Variants in CNTNAP2 observed in about 807,000 individuals in gnomAD.
CNTNAP2 encodes contactin-associated protein-like 2.
CNTNAP2 carries 98 observed loss-of-function variants against 155.2 expected under a neutral mutation model. The ratio of observed to expected loss-of-function variants is 0.63; its 90% CI spans 0.54 to 0.75. The LOEUF is 0.75. CNTNAP2 is among the 30% of genes least tolerant of loss of function. The probability of loss-of-function intolerance (pLI) is 0.00; values close to 1 mark genes in which losing one functional copy is unlikely to be tolerated. For synonymous variants in CNTNAP2, 651 were observed against 631.2 expected (o/e 1.03, Z -0.47); for missense variants, 1,727 against 1,688.1 (o/e 1.02, Z -0.40).
chr7:148,285,127 AT>A (rs1434267789), intron 21 of CNTNAP2, among the ~76,000 whole-genome samples: 1 of 152,242 alleles, frequency 6.6e-6, no homozygotes, highest in Non-Finnish European at 1.5e-5. Context: ...TGGGACTGTT[AT>A]GTTTTTTGGC....
At chr7:146,478,727 G>A (rs1796915936) in intron 1 of CNTNAP2, among the ~76,000 whole-genome samples, 1 of 151,808 alleles carries the variant, frequency 6.6e-6, no homozygotes, top group Admixed American at 6.6e-5. Context: ...TGCATGCACA[G>A]CACATATTAA....
chr7:147,575,819 A>G (rs950893607), intron 12 of CNTNAP2, among the ~76,000 whole-genome samples: 5 of 151,898 alleles, frequency 3.3e-5, no homozygotes, highest in Non-Finnish European at 4.4e-5. Context: ...GCTGTATGAG[A>G]GGTAATATGA....
rs959698049 is a variant in CNTNAP2 at position 146,681,269 on chromosome 7, T to C, written c.98-93002T>C. On this transcript the variant is annotated intron_variant, in intron 1 of 23. Coordinates refer to ENST00000361727, the MANE Select transcript of CNTNAP2 (RefSeq NM_014141.6). ...TTCCTGTATAGTTGAGTCTTGCCTTTTGGGAGACAGGAGGGGTTGGGAAAG... is the reference window on the plus strand; with the variant it reads ...TTCCTGTATAGTTGAGTCTTGCCTTCTGGGAGACAGGAGGGGTTGGGAAAG... 4.6e-5 allele frequency among the ~76,000 whole-genome samples: 7 copies of C among 150,766 alleles called. No homozygotes were observed. The East Asian group carries it at 1.2e-3, about 25-fold the overall frequency.
chr7:147,523,058 G>T (rs1363036187), intron 11 of CNTNAP2, among the ~76,000 whole-genome samples: 3 of 152,192 alleles, frequency 2.0e-5, no homozygotes, highest in African/African-American at 7.2e-5. Flanking sequence ...GCACAGCTTA[G>T]CTGAGTGCCT....
rs187476406 is a variant in CNTNAP2 at position 147,064,485 on chromosome 7, C to T, written c.550+20431C>T. 4.1e-4 allele frequency among the ~76,000 whole-genome samples: 63 copies of T among 152,190 alleles called. 1 individual carries two copies. The highest frequency in any genetic ancestry group is 3.4e-3 in the Middle Eastern group (1 of 294). ...GATGTGGAAGAATTCTTTGACTGAC[C>T]ACACCATCTATAGAGATTTGACATT... On this transcript the variant is annotated intron_variant, in intron 4 of 23. Transcript: ENST00000361727.
chr7:147,738,891 C>A (rs1306937086), intron 13 of CNTNAP2, among the ~76,000 whole-genome samples: 2 of 152,064 alleles, frequency 1.3e-5, no homozygotes, highest in African/African-American at 4.8e-5. Context: ...CTGACCTCAA[C>A]TGGTCCATCT....
intron 18 of CNTNAP2, among the ~76,000 whole-genome samples, chr7:148,201,226 T>C (rs907033571): frequency 6.6e-6 from 1 of 152,232 alleles, no homozygotes; most frequent in Non-Finnish European, 1.5e-5. Flanking sequence ...GTGCCTTCGC[T>C]AAATATCATG....
intron 1 of CNTNAP2, among the ~76,000 whole-genome samples, chr7:146,764,957 T>C (rs1469048461): frequency 4.6e-5 from 7 of 152,122 alleles, no homozygotes; most frequent in Non-Finnish European, 1.0e-4. Context: ...CCCTACATTC[T>C]GCATATTGGG....
intron 3 of CNTNAP2, among the ~76,000 whole-genome samples, chr7:146,907,274 C>G (rs559440506): frequency 0.039 from 5,725 of 145,552 alleles, 127 homozygotes; most frequent in South Asian, 0.074. Context: ...GGCAGGCCAA[C>G]GTTCAGATTC....
At chr7:148,185,993 G>C (rs1795109765) in intron 18 of CNTNAP2, among the ~76,000 whole-genome samples, 1 of 152,034 alleles carries the variant, frequency 6.6e-6, no homozygotes, top group South Asian at 2.1e-4. Context: ...AAAATATCAA[G>C]GACTATTCCA....
intron 1 of CNTNAP2, among the ~76,000 whole-genome samples, chr7:146,382,728 G>T (rs928748414): frequency 6.6e-6 from 1 of 152,052 alleles, no homozygotes; most frequent in South Asian, 2.1e-4. Context: ...ATCAGGATCT[G>T]CTTAAACAAA....
At chr7:146,592,348 G>C (rs552118921) in intron 1 of CNTNAP2, among the ~76,000 whole-genome samples, 28 of 152,336 alleles carry the variant, frequency 1.8e-4, no homozygotes, top group Non-Finnish European at 2.4e-4. Flanking sequence ...GTCCCCTTTA[G>C]ATATTTGGTT....
intron 1 of CNTNAP2, among the ~76,000 whole-genome samples, chr7:146,627,234 C>G (rs939710191): frequency 1.6e-4 from 25 of 152,090 alleles, no homozygotes; most frequent in African/African-American, 5.8e-4. Flanking sequence ...ATTCAGTCAC[C>G]TCCCACCATC....
chr7:146,342,680 G>T (rs756731585), intron 1 of CNTNAP2, among the ~76,000 whole-genome samples: 1 of 152,130 alleles, frequency 6.6e-6, no homozygotes, highest in Non-Finnish European at 1.5e-5. Context: ...TAATAAAGAC[G>T]TGTAGGATTT....
intron 9 of CNTNAP2, among the ~76,000 whole-genome samples, chr7:147,388,011 C>A (rs574638383): frequency 1.1e-4 from 16 of 152,194 alleles, no homozygotes; most frequent in African/African-American, 2.6e-4. Context: ...ATTGGAGGAG[C>A]TTTCTATTTT....
At chr7:146,772,748 A>G (rs927881024) in intron 1 of CNTNAP2, among the ~76,000 whole-genome samples, 2 of 152,104 alleles carry the variant, frequency 1.3e-5, no homozygotes, top group African/African-American at 4.8e-5. Flanking sequence ...GGAAAGAGAT[A>G]AGACTAGTGT....
chr7:147,455,189 A>C (rs142488678), intron 10 of CNTNAP2, among the ~76,000 whole-genome samples: 136 of 152,210 alleles, frequency 8.9e-4, no homozygotes, highest in African/African-American at 3.1e-3. Flanking sequence ...CTTCTATTTC[A>C]TTTATTTTCA....
At chr7:148,221,987 G>A (rs1417060449) in intron 19 of CNTNAP2, among the ~76,000 whole-genome samples, 1 of 152,240 alleles carries the variant, frequency 6.6e-6, no homozygotes, top group African/African-American at 2.4e-5. Flanking sequence ...AAATGGATGA[G>A]GTCATGTTTT....
At position 147,131,065 on chromosome 7, in the gene CNTNAP2, T is replaced by C. The variant is rs150474670; in HGVS notation, c.1084-1180T>C. On this transcript the variant is annotated intron_variant, in intron 7 of 23. Coordinates refer to ENST00000361727, the MANE Select transcript of CNTNAP2 (RefSeq NM_014141.6). Reference sequence around the variant, plus strand: ...ACACATATATATATGTGTATATATATGTGTGTATATATATGTATATATGTG... The same window carrying C: ...ACACATATATATATGTGTATATATACGTGTGTATATATATGTATATATGTG... Among the ~76,000 whole-genome samples the C allele has an allele frequency of 4.7e-4, 63 of 134,832 alleles. 1 individual carries two copies. The Middle Eastern group carries it at 0.017, about 36-fold the overall frequency. The allele number at this position is 134,832 out of a possible 152,430, so 88.5% of individuals were successfully genotyped here.
Sources: allele counts gnomAD v4.1 joint callset (sites outside exome capture counted in the v4.1 genomes callset), GRCh38; gene constraint gnomAD v4.1.1; transcripts MANE v1.5; gene names NCBI Gene and HGNC (gene_info 2026-07-23, HGNC 2026-07-21).